Variants in FBXW4 observed in about 807,000 individuals in gnomAD.
FBXW4 encodes F-box and WD repeat domain containing 4.
FBXW4 carries 40 observed loss-of-function variants against 61.8 expected under a neutral mutation model. The observed-to-expected ratio is 0.65, with a 90% confidence interval of 0.50 to 0.84. The LOEUF (loss-of-function observed/expected upper bound fraction) is 0.84, where lower values mean the gene tolerates loss of function less well. FBXW4 is among the 40% of genes least tolerant of loss of function. The probability of loss-of-function intolerance (pLI) is 0.00; values close to 1 mark genes in which losing one functional copy is unlikely to be tolerated. For synonymous variants in FBXW4, 311 were observed against 313.8 expected, an observed-to-expected ratio of 0.99 and a Z score of 0.10; for missense variants, 672 against 753.8, an observed-to-expected ratio of 0.89 and a Z score of 1.27.
In FBXW4 at chr10:101,611,396, C is replaced by T. The variant is rs574754923; in HGVS notation, c.1599G>A (p.Thr533=). 3.8e-5 allele frequency: 62 copies of T among 1,613,410 alleles called. No homozygotes were observed. The highest frequency in any genetic ancestry group is 6.7e-5 in the East Asian group (3 of 44,842). Residue 533 remains threonine (T), a synonymous_variant, in exon 9 of 9, where the codon ACG becomes ACA. Coordinates refer to ENST00000331272, the MANE Select transcript of FBXW4 (RefSeq NM_022039.4). This position sits in a 1 kb window ranked among gnomAD's most constrained non-coding sequence, Gnocchi z 4.9. ...QRACLHAFPL[T]STPLSSPVYC... Reference sequence around the variant, plus strand: ...ACACAGGGCTGCTGAGGGGAGTCGACGTCAGCGGGAAGGCCTGGAAGGGAG... The same window carrying T: ...ACACAGGGCTGCTGAGGGGAGTCGATGTCAGCGGGAAGGCCTGGAAGGGAG...
chr10:101,675,249 G>A (rs1184797981), intron 2 of FBXW4, among the ~76,000 whole-genome samples: 2 of 152,098 alleles, frequency 1.3e-5, no homozygotes, highest in African/African-American at 2.4e-5. Context: ...ATCCCCTTGC[G>A]TGAGTGTGTG....
In FBXW4 at chr10:101,673,635, TAC is replaced by T. The variant is rs2064380494; in HGVS notation, c.858_859del (p.Tyr287HisfsTer5). 1.2e-6 allele frequency: 2 copies of T among 1,614,002 alleles called. No homozygotes were observed. The highest frequency in any genetic ancestry group is 1.7e-6 in the Non-Finnish European group (2 of 1,179,966). On this transcript the variant is annotated frameshift_variant, in exon 3 of 9. Transcript: ENST00000331272. LOFTEE classifies it high-confidence loss of function. ...CAGGATGAAATTAGCCTGGGATATG[TAC>T]AGAGAATCATCCTCTAGCTGCATCC...
intron 6 of FBXW4, among the ~76,000 whole-genome samples, 160 bp downstream of exon 6, chr10:101,624,584 CT>C: frequency 6.6e-6 from 1 of 152,226 alleles, no homozygotes; most frequent in East Asian, 1.9e-4. Context: ...CCAGCTAACC[CT>C]GAATGATTCC....
rs2064266235 is a variant in FBXW4 at position 101,663,631 on chromosome 10, T to C, written c.1235+4255A>G. Reference sequence around the variant, plus strand: ...TGCCACTGCACTCCAGGCAAGACCCTGTCTCAAAAAAAAAAAAAAGAGTCT... The same window carrying C: ...TGCCACTGCACTCCAGGCAAGACCCCGTCTCAAAAAAAAAAAAAAGAGTCT... On this transcript the variant is annotated intron_variant, in intron 5 of 8. Transcript: ENST00000331272. Among the ~76,000 whole-genome samples, 6 of 148,920 alleles carry C rather than the reference T, an allele frequency of 4.0e-5. 2 individuals are homozygous for C. The South Asian group carries it at 1.3e-3, about 32-fold the overall frequency.
chr10:101,651,676 C>T (rs2064147186), intron 5 of FBXW4, among the ~76,000 whole-genome samples: 1 of 152,026 alleles, frequency 6.6e-6, no homozygotes, highest in African/African-American at 2.4e-5. Flanking sequence ...CGGGCCCTCC[C>T]CTCCCTTCTT....
intron 6 of FBXW4, among the ~76,000 whole-genome samples, chr10:101,619,927 A>G (rs1474175695): frequency 6.6e-6 from 1 of 152,202 alleles, no homozygotes; most frequent in African/African-American, 2.4e-5. Flanking sequence ...GCTGAGAGAC[A>G]CACATAGACG....
At chr10:101,634,228 A>G (rs1457155148) in intron 5 of FBXW4, among the ~76,000 whole-genome samples, 2 of 150,320 alleles carry the variant, frequency 1.3e-5, no homozygotes, top group African/African-American at 2.5e-5. Context: ...AAATGAACAA[A>G]TAAACAAAAA....
chr10:101,637,156 G>C (rs1010737102), intron 5 of FBXW4, among the ~76,000 whole-genome samples: 1 of 150,928 alleles, frequency 6.6e-6, no homozygotes, highest in African/African-American at 2.4e-5. Flanking sequence ...GGCTGAGGCG[G>C]GCGGATCACG....
intron 6 of FBXW4, among the ~76,000 whole-genome samples, chr10:101,620,381 C>T (rs1422543926): frequency 6.6e-6 from 1 of 152,244 alleles, no homozygotes; most frequent in East Asian, 1.9e-4. Flanking sequence ...CCACCAAAAG[C>T]AAATGCCTCC....
At chr10:101,689,833 C>A (rs1297332683) in intron 1 of FBXW4, among the ~76,000 whole-genome samples, 1 of 152,134 alleles carries the variant, frequency 6.6e-6, no homozygotes, top group Non-Finnish European at 1.5e-5. Flanking sequence ...GAAATAGATA[C>A]CCCAGGCCCC....
chr10:101,676,978 G>A (rs377428719), intron 1 of FBXW4, among the ~76,000 whole-genome samples: 4 of 152,234 alleles, frequency 2.6e-5, no homozygotes, highest in South Asian at 2.1e-4. Flanking sequence ...ACAAGCCGTC[G>A]TCTGGGAGAA....
intron 1 of FBXW4, among the ~76,000 whole-genome samples, chr10:101,681,453 C>A (rs1050569056): frequency 6.7e-6 from 1 of 149,968 alleles, no homozygotes; most frequent in Admixed American, 6.6e-5. Context: ...CGCGGTGGCT[C>A]ACGCCTGTAA....
chr10:101,675,037 C>T (rs1346036484), intron 2 of FBXW4, among the ~76,000 whole-genome samples: 2 of 152,188 alleles, frequency 1.3e-5, no homozygotes, highest in African/African-American at 4.8e-5. Context: ...TGTGTTTCTT[C>T]CCCAGACTCG....
At chr10:101,662,265 TC>T (rs1564918682) in intron 5 of FBXW4, among the ~76,000 whole-genome samples, 1 of 151,982 alleles carries the variant, frequency 6.6e-6, no homozygotes, top group Non-Finnish European at 1.5e-5. Context: ...CACCCTCCTT[TC>T]CCCAAAACCC....
chr10:101,611,191 C>T lies in FBXW4; in HGVS notation c.*100G>A. 6.8e-7 allele frequency: 1 copy of T among 1,471,742 alleles called. No homozygotes were observed. The highest frequency in any genetic ancestry group is 1.3e-5 in the South Asian group (1 of 76,408). The allele number at this position is 1,471,742 out of a possible 1,614,324, so 91.2% of individuals were successfully genotyped here. A position where few individuals can be genotyped will look rare whatever the true frequency, so the allele number is the denominator to read the frequency against. ...CACTGGGGTCACAGGCCCAGGAGCA[C>T]AGTGGGGCAGTGAGGAGGAGCTATC... On this transcript the variant is annotated 3_prime_UTR_variant, in exon 9 of 9. Transcript: ENST00000331272. This position sits in a 1 kb window ranked among gnomAD's most constrained non-coding sequence, Gnocchi z 4.9.
At chr10:101,672,623 C>T (rs984576534) in intron 4 of FBXW4, among the ~76,000 whole-genome samples, 4 of 152,098 alleles carry the variant, frequency 2.6e-5, no homozygotes, top group East Asian at 1.9e-4. Flanking sequence ...CTTGAGGAAA[C>T]GCAACTCAGG....
chr10:101,658,630 C>T (rs1267891481), intron 5 of FBXW4, among the ~76,000 whole-genome samples: 1 of 152,132 alleles, frequency 6.6e-6, no homozygotes, highest in Admixed American at 6.6e-5. Flanking sequence ...AAAATCTGCT[C>T]CAAGTGGCCT....
chr10:101,642,453 C>T (rs2064061519), intron 5 of FBXW4, among the ~76,000 whole-genome samples: 1 of 151,798 alleles, frequency 6.6e-6, no homozygotes, highest in Admixed American at 6.6e-5. Flanking sequence ...GAAGTCCCAT[C>T]TCCTTACAGG....
Position 101,610,889 on chromosome 10 carries a change from C to T in FBXW4, c.*402G>A, listed in dbSNP as rs1349694957. 1 of 156,194 alleles carries T rather than the reference C, an allele frequency of 6.4e-6. No homozygotes were observed. Among genetic ancestry groups the T allele is most frequent in the Non-Finnish European group, 1.4e-5 (1 of 70,672 alleles). 9.7% of individuals were successfully genotyped at this position (156,194 alleles called of 1,614,324 possible). ...GCTGGTGCCAGGAGGCTATTGGCAG[C>T]CTCACCTTTCCTTCCAGGAAGGGGC... On this transcript the variant is annotated 3_prime_UTR_variant, in exon 9 of 9. Coordinates refer to ENST00000331272, the MANE Select transcript of FBXW4 (RefSeq NM_022039.4).
Sources: allele counts gnomAD v4.1 joint callset (sites outside exome capture counted in the v4.1 genomes callset), GRCh38; gene constraint gnomAD v4.1.1; non-coding constraint Gnocchi (gnomAD v3.1); transcripts MANE v1.5; gene names NCBI Gene and HGNC (gene_info 2026-07-23, HGNC 2026-07-21).